GFI1B: variants seen among roughly 807,000 people sequenced by gnomAD.
GFI1B encodes the protein growth factor independent 1B transcriptional repressor.
A neutral mutation model predicts 35.3 loss-of-function variants in GFI1B; 20 were observed. That is an observed-to-expected ratio of 0.57 (90% confidence interval 0.40 to 0.82). The LOEUF (loss-of-function observed/expected upper bound fraction) is 0.82, where lower values mean the gene tolerates loss of function less well. Ranked by LOEUF, GFI1B falls within the 40% of genes least tolerant of loss-of-function variation. The probability of loss-of-function intolerance (pLI) is 0.00; values close to 1 mark genes in which losing one functional copy is unlikely to be tolerated. For missense variants in GFI1B, 430 were observed against 446.3 expected (o/e 0.96, Z 0.33); for synonymous variants, 178 against 177.6 (o/e 1.00, Z -0.02).
intron 1 of GFI1B, among the ~76,000 whole-genome samples, chr9:132,985,832 A>C (rs948150252): frequency 6.6e-6 from 1 of 152,226 alleles, no homozygotes; most frequent in Non-Finnish European, 1.5e-5. Flanking sequence ...CACTGATTCC[A>C]AAACCTAAGC....
chr9:132,957,862 T>C lies in GFI1B; in HGVS notation c.-701+12193T>C, dbSNP rs889976110. Reference sequence around the variant, plus strand: ...GGGAAAGAGAGGCAAGAAATACTAATGTCAGCCAACAGGCAACATGCATTG... The same window carrying C: ...GGGAAAGAGAGGCAAGAAATACTAACGTCAGCCAACAGGCAACATGCATTG... On this transcript the variant is annotated intron_variant, in intron 1 of 10. Coordinates refer to the GFI1B transcript ENST00000339463. Among the ~76,000 whole-genome samples the C allele has an allele frequency of 2.6e-5, 4 of 152,122 alleles. No individual in the cohort carries two copies. In the South Asian group the frequency reaches 6.2e-4, roughly 24 times the overall value.
At chr9:132,993,269 T>TG (rs1849334422), downstream of GFI1B, among the ~76,000 whole-genome samples, 1 of 152,136 alleles carries the variant, frequency 6.6e-6, no homozygotes, top group Admixed American at 6.6e-5. Context: ...ACTCCAGCTC[T>TG]GGGCAACAGA....
Position 132,990,860 on chromosome 9 carries a change from C to T in GFI1B, c.815-12C>T, listed in dbSNP as rs1849269948. 3 of 1,613,792 alleles carry T rather than the reference C, an allele frequency of 1.9e-6. No individual in the cohort carries two copies. Among genetic ancestry groups the T allele is most frequent in the Non-Finnish European group, 2.5e-6 (3 of 1,179,796 alleles). On this transcript the variant is annotated splice_polypyrimidine_tract_variant and intron_variant, in intron 6 of 6. Coordinates refer to ENST00000372122, the MANE Select transcript of GFI1B (RefSeq NM_001377304.1). ...ACCCCGCCCTTGCTGTGCTGCGCTG[C>T]CCTCCCTGCAGGTGAGAAGCCGCAC...
chr9:132,972,043 G>A (rs1163793047), intron 1 of GFI1B, among the ~76,000 whole-genome samples: 2 of 151,978 alleles, frequency 1.3e-5, no homozygotes, highest in African/African-American at 4.8e-5. Flanking sequence ...GGGAGGCCGA[G>A]GTGGGCAGAT....
chr9:132,963,626 T>C (rs1848403599), intron 1 of GFI1B: 1 of 152,072 alleles, frequency 6.6e-6, no homozygotes, highest in African/African-American at 2.4e-5. Context: ...GTGCTAGGAT[T>C]ACAGGTGTGA....
intron 1 of GFI1B, chr9:132,947,313 C>T (rs1304553777): frequency 6.6e-6 from 1 of 151,218 alleles, no homozygotes; most frequent in Non-Finnish European, 1.5e-5. Flanking sequence ...AGCCCCAGGC[C>T]ACAGCAGGTG....
chr9:132,990,580 C>T (rs777357781), intron 6 of GFI1B, among the ~76,000 whole-genome samples: 1 of 152,246 alleles, frequency 6.6e-6, no homozygotes, highest in East Asian at 1.9e-4. Flanking sequence ...TTGCTATTAG[C>T]TGAGTGCCTC....
intron 1 of GFI1B, among the ~76,000 whole-genome samples, chr9:132,950,138 C>G (rs1383552283): frequency 1.3e-5 from 2 of 152,042 alleles, no homozygotes; most frequent in African/African-American, 4.8e-5. Flanking sequence ...CACACACACA[C>G]AAATTCTACT....
chr9:132,986,043 G>C (rs980869783), intron 1 of GFI1B, among the ~76,000 whole-genome samples: 2 of 152,200 alleles, frequency 1.3e-5, no homozygotes, highest in Non-Finnish European at 2.9e-5. Context: ...TTCATTTCCT[G>C]GTGAAGGAGC....
chr9:132,980,803 T>A (rs1409821969), intron 1 of GFI1B, among the ~76,000 whole-genome samples: 4 of 152,256 alleles, frequency 2.6e-5, no homozygotes, highest in Non-Finnish European at 5.9e-5. Flanking sequence ...TCACTTAGCA[T>A]AAATCCTTCA....
chr9:132,949,385 C>A (rs1848168523), intron 1 of GFI1B, among the ~76,000 whole-genome samples: 1 of 151,838 alleles, frequency 6.6e-6, no homozygotes, highest in African/African-American at 2.4e-5. Flanking sequence ...GGACCTGGAT[C>A]AGGGCTGAAA....
At position 132,986,626 on chromosome 9, in the gene GFI1B, C is replaced by T. The variant is rs1296607961; in HGVS notation, c.-20-33C>T. 8 of 1,108,272 alleles carry T rather than the reference C, an allele frequency of 7.2e-6. No homozygotes were observed. In the East Asian group the frequency reaches 7.4e-5, roughly 10 times the overall value. 68.7% of individuals were successfully genotyped at this position (1,108,272 alleles called of 1,614,324 possible). A position where few individuals can be genotyped will look rare whatever the true frequency, so the allele number is the denominator to read the frequency against. On this transcript the variant is annotated intron_variant, in intron 1 of 6. Coordinates refer to ENST00000372122, the MANE Select transcript of GFI1B (RefSeq NM_001377304.1). ...TATGGAGGGGTATTGTTCTCTTGTC[C>T]TTCCTAACCGCTCCCATCCCTCCCC...
chr9:132,962,798 CA>C (rs1343426440), intron 1 of GFI1B: 3 of 258,700 alleles, frequency 1.2e-5, no homozygotes, highest in African/African-American at 2.3e-5. Flanking sequence ...TGACAAGGCG[CA>C]ATGGCTCACG....
chr9:132,959,829 T>C (rs927927368), intron 1 of GFI1B, among the ~76,000 whole-genome samples: 1 of 152,240 alleles, frequency 6.6e-6, no homozygotes, highest in Admixed American at 6.5e-5. Context: ...TCATGCAGGC[T>C]TCTCCTCTGT....
At chr9:132,992,997 T>TAA (rs35365824), downstream of GFI1B, among the ~76,000 whole-genome samples, 91 of 149,956 alleles carry the variant, frequency 6.1e-4, no homozygotes, top group East Asian at 1.6e-3. Flanking sequence ...AGGTCAAACA[T>TAA]AAAAAAAAAA....
At chr9:132,963,261 C>T (rs1384620831) in intron 1 of GFI1B, among the ~76,000 whole-genome samples, 1 of 151,978 alleles carries the variant, frequency 6.6e-6, no homozygotes, top group African/African-American at 2.4e-5. Flanking sequence ...GCGGGCAGAT[C>T]ACGAGGTCAA....
chr9:132,963,436 C>A (rs541813900), intron 1 of GFI1B, among the ~76,000 whole-genome samples: 1 of 152,080 alleles, frequency 6.6e-6, no homozygotes, highest in Non-Finnish European at 1.5e-5. Context: ...GCTAAAATCA[C>A]GCCAGATGCA....
chr9:132,985,597 C>T (rs1054717334), intron 1 of GFI1B, among the ~76,000 whole-genome samples: 7 of 152,148 alleles, frequency 4.6e-5, no homozygotes, highest in African/African-American at 1.7e-4. Flanking sequence ...CGTGCTCTGG[C>T]GGCTGTGGCT....
At chr9:132,966,121 G>T (rs2132603026) in intron 1 of GFI1B, among the ~76,000 whole-genome samples, 1 of 152,340 alleles carries the variant, frequency 6.6e-6, no homozygotes, top group Non-Finnish European at 1.5e-5. Context: ...GCACTTGAGA[G>T]GTCAAGGCAG....
Sources: gnomAD v4.1 joint callset for allele counts (sites outside exome capture counted in the v4.1 genomes callset) on GRCh38, gnomAD v4.1.1 for gene constraint, MANE v1.5 for transcripts, NCBI Gene and HGNC (gene_info 2026-07-23, HGNC 2026-07-21) for gene names.